Variants in NTRK3 observed in about 807,000 individuals in gnomAD.
NTRK3 encodes neurotrophic receptor tyrosine kinase 3.
Under a neutral mutation model 91.7 loss-of-function variants are expected in NTRK3, and 24 were observed. The observed-to-expected ratio is 0.26, with a 90% confidence interval of 0.19 to 0.37. The LOEUF (loss-of-function observed/expected upper bound fraction) is 0.37, where lower values mean the gene tolerates loss of function less well. NTRK3 is among the 10% of genes least tolerant of loss of function. The probability of loss-of-function intolerance (pLI) is 1.00; values close to 1 mark genes in which losing one functional copy is unlikely to be tolerated. For missense variants in NTRK3, 880 were observed against 1,068.9 expected (o/e 0.82, Z 2.46); for synonymous variants, 483 against 404.0 (o/e 1.20, Z -2.34).
chr15:87,914,121 T>G (rs2067282744), intron 17 of NTRK3, among the ~76,000 whole-genome samples: 1 of 152,258 alleles, frequency 6.6e-6, no homozygotes, highest in Non-Finnish European at 1.5e-5. Flanking sequence ...ATCCTTGCCC[T>G]GATTTCTTCC....
intron 5 of NTRK3, among the ~76,000 whole-genome samples, chr15:88,176,994 G>A (rs557255786): frequency 2.4e-4 from 36 of 152,286 alleles, no homozygotes; most frequent in African/African-American, 8.2e-4. Flanking sequence ...GATGAGAAGG[G>A]GCCAGCCATG....
intron 3 of NTRK3, among the ~76,000 whole-genome samples, chr15:88,205,082 A>G (rs528833722): frequency 2.0e-5 from 3 of 152,228 alleles, no homozygotes; most frequent in Non-Finnish European, 4.4e-5. Flanking sequence ...TTGGAGAGAA[A>G]GAAGAAAACA....
chr15:88,008,851 C>A (rs1183988166), intron 14 of NTRK3, among the ~76,000 whole-genome samples: 1 of 152,212 alleles, frequency 6.6e-6, no homozygotes, highest in Non-Finnish European at 1.5e-5. Context: ...ATGTTTAGCA[C>A]CTCCCTTCAC....
chr15:88,190,228 CTCT>C (rs1162329289), intron 3 of NTRK3, among the ~76,000 whole-genome samples: 1 of 152,132 alleles, frequency 6.6e-6, no homozygotes, highest in Admixed American at 6.6e-5. Flanking sequence ...TATTAATGAG[CTCT>C]TCTTCATAAC....
chr15:88,134,260 C>T (rs1227961247), intron 10 of NTRK3, among the ~76,000 whole-genome samples: 1 of 152,156 alleles, frequency 6.6e-6, no homozygotes, highest in Non-Finnish European at 1.5e-5. Context: ...GCGGAACCCA[C>T]AAAAAGATGC....
At chr15:87,975,020 A>C (rs936887731) in intron 14 of NTRK3, among the ~76,000 whole-genome samples, 16 of 152,226 alleles carry the variant, frequency 1.1e-4, no homozygotes, top group Admixed American at 3.3e-4. Context: ...TGGTTCTGCC[A>C]GTTTCAAGCT....
intron 13 of NTRK3, among the ~76,000 whole-genome samples, chr15:88,089,031 A>G (rs959735618): frequency 2.7e-5 from 4 of 150,932 alleles, no homozygotes; most frequent in African/African-American, 9.8e-5. Flanking sequence ...ACTAGTTTCA[A>G]CTCCTCAGCC....
intron 13 of NTRK3, among the ~76,000 whole-genome samples, chr15:88,068,139 T>C (rs1241683056): frequency 6.6e-6 from 1 of 152,160 alleles, no homozygotes; most frequent in East Asian, 1.9e-4. Flanking sequence ...CAGAACACTA[T>C]TAAGGTTTAT....
At chr15:88,200,092 G>A (rs969046991) in intron 3 of NTRK3, among the ~76,000 whole-genome samples, 1 of 152,198 alleles carries the variant, frequency 6.6e-6, no homozygotes, top group African/African-American at 2.4e-5. Context: ...TGAATAAATT[G>A]GGAGCATGAT....
intron 13 of NTRK3, among the ~76,000 whole-genome samples, chr15:88,092,671 C>A (rs1206097257): frequency 6.6e-6 from 1 of 152,234 alleles, no homozygotes; most frequent in Non-Finnish European, 1.5e-5. Flanking sequence ...GTTCTGAAAT[C>A]AAGGCATCAG....
At chr15:88,161,857 T>TG (rs1021466364) in intron 5 of NTRK3, among the ~76,000 whole-genome samples, 1 of 152,156 alleles carries the variant, frequency 6.6e-6, no homozygotes, top group African/African-American at 2.4e-5. Context: ...TGCATCGTCC[T>TG]GGGGGGCTGG....
intron 17 of NTRK3, among the ~76,000 whole-genome samples, chr15:87,892,513 A>C (rs1412684648): frequency 6.6e-6 from 1 of 152,220 alleles, no homozygotes; most frequent in East Asian, 1.9e-4. Context: ...CTAATTGAAA[A>C]TATGAGATGC....
At chr15:88,173,257 A>G (rs2045691937) in intron 5 of NTRK3, among the ~76,000 whole-genome samples, 1 of 152,160 alleles carries the variant, frequency 6.6e-6, no homozygotes, top group African/African-American at 2.4e-5. Flanking sequence ...TTGCGCACAT[A>G]GGCACAAAAT....
intron 13 of NTRK3, among the ~76,000 whole-genome samples, chr15:88,043,390 C>T (rs1276291823): frequency 2.0e-5 from 3 of 152,234 alleles, no homozygotes; most frequent in Admixed American, 6.5e-5. Context: ...GCCACTATGG[C>T]TTGCTAGTGT....
At chr15:88,244,860 T>C (rs1165768707) in intron 3 of NTRK3, among the ~76,000 whole-genome samples, 1 of 152,196 alleles carries the variant, frequency 6.6e-6, no homozygotes, top group Non-Finnish European at 1.5e-5. Context: ...TGGGAAGCTA[T>C]GTAAGGCAAG....
intron 3 of NTRK3, among the ~76,000 whole-genome samples, chr15:88,218,966 C>T (rs1027164845): frequency 6.6e-6 from 1 of 152,258 alleles, no homozygotes; most frequent in Admixed American, 6.5e-5. Flanking sequence ...GGGGGCATGG[C>T]ATCACCCACG....
intron 14 of NTRK3, among the ~76,000 whole-genome samples, chr15:87,999,254 T>C (rs1212361606): frequency 6.6e-6 from 1 of 152,158 alleles, no homozygotes; most frequent in South Asian, 2.1e-4. Flanking sequence ...CTCTGAACAA[T>C]GGAAAAGATA....
intron 17 of NTRK3, among the ~76,000 whole-genome samples, chr15:87,893,955 GA>G (rs781277353): frequency 3.2e-4 from 49 of 152,332 alleles, no homozygotes; most frequent in Admixed American, 1.5e-3. Context: ...AGACAACTCT[GA>G]AGAGTGGTAA....
At chr15:88,068,028 C>G (rs2046804024) in intron 13 of NTRK3, among the ~76,000 whole-genome samples, 2 of 152,166 alleles carry the variant, frequency 1.3e-5, no homozygotes, top group Non-Finnish European at 2.9e-5. Context: ...ATGTATATTC[C>G]TACCTCAGGA....
Sources: gnomAD v4.1 joint callset for allele counts (sites outside exome capture counted in the v4.1 genomes callset) on GRCh38, gnomAD v4.1.1 for gene constraint, MANE v1.5 for transcripts, NCBI Gene and HGNC (gene_info 2026-07-23, HGNC 2026-07-21) for gene names.